Variants in METTL16 observed in about 807,000 individuals in gnomAD.
METTL16 encodes the protein RNA N(6)-adenosine-methyltransferase METTL16.
A neutral mutation model predicts 57.9 loss-of-function variants in METTL16; 19 were observed. That is an observed-to-expected ratio of 0.33 (90% CI 0.23 to 0.48). The LOEUF (loss-of-function observed/expected upper bound fraction) is 0.48. Among genes scored for constraint, METTL16 ranks in the 20% least tolerant of loss-of-function variants. The pLI, the probability that METTL16 is intolerant of heterozygous loss-of-function variation, is 0.99. For missense variants in METTL16, 434 were observed against 691.5 expected, an observed-to-expected ratio of 0.63 and a Z score of 4.18; for synonymous variants, 246 against 255.6, an observed-to-expected ratio of 0.96 and a Z score of 0.36.
intron 1 of METTL16, among the ~76,000 whole-genome samples, chr17:2,508,634 T>C (rs112231016): frequency 0.019 from 2,821 of 152,212 alleles, 43 homozygotes; most frequent in African/African-American, 0.038. Context: ...ATCATGTCTT[T>C]CTTGGGTTGC....
chr17:2,506,120 G>A (rs1347593151), intron 1 of METTL16, among the ~76,000 whole-genome samples: 2 of 151,890 alleles, frequency 1.3e-5, no homozygotes, highest in African/African-American at 4.8e-5. Context: ...TATCTGTAAC[G>A]TTTTTTCCTC....
At chr17:2,471,530 C>T (rs2067235214) in intron 4 of METTL16, among the ~76,000 whole-genome samples, 1 of 152,146 alleles carries the variant, frequency 6.6e-6, no homozygotes, top group Admixed American at 6.5e-5. Context: ...TGGCTCACGC[C>T]TGTAATCCCA....
At chr17:2,470,184 G>A (rs565929419) in intron 4 of METTL16, among the ~76,000 whole-genome samples, 1 of 152,204 alleles carries the variant, frequency 6.6e-6, no homozygotes, top group South Asian at 2.1e-4. Flanking sequence ...TCTAACACAC[G>A]TGTTTTCTCT....
chr17:2,497,068 C>T (rs1324129958), intron 2 of METTL16, among the ~76,000 whole-genome samples: 1 of 151,570 alleles, frequency 6.6e-6, no homozygotes, highest in African/African-American at 2.4e-5. Context: ...TGCAGTGGCA[C>T]AATCTCGGCT....
intron 8 of METTL16, chr17:2,436,687 T>A (rs1256326045): frequency 6.6e-6 from 1 of 152,244 alleles, no homozygotes; most frequent in African/African-American, 2.4e-5. Context: ...CTGGGCAGTG[T>A]GTGCAGACAC....
intron 4 of METTL16, among the ~76,000 whole-genome samples, chr17:2,471,978 G>A (rs147050791): frequency 1.2e-4 from 18 of 152,070 alleles, no homozygotes; most frequent in Non-Finnish European, 2.6e-4. Flanking sequence ...GCTGGGCGTG[G>A]TGGCAGGCGC....
intron 5 of METTL16, among the ~76,000 whole-genome samples, chr17:2,465,882 C>CA (rs369274896): frequency 5.2e-4 from 74 of 141,232 alleles, no homozygotes; most frequent in African/African-American, 1.5e-3. Flanking sequence ...CCCCCGACCT[C>CA]AAAAAAAAAA....
intron 8 of METTL16, among the ~76,000 whole-genome samples, chr17:2,425,250 A>C (rs1010927878): frequency 6.6e-6 from 1 of 152,228 alleles, no homozygotes; most frequent in African/African-American, 2.4e-5. Context: ...TAATATCCTT[A>C]TAATTGCAAA....
At chr17:2,441,316 G>A (rs1442332799) in intron 7 of METTL16, among the ~76,000 whole-genome samples, 174 bp downstream of exon 7, 2 of 152,162 alleles carry the variant, frequency 1.3e-5, no homozygotes, top group Admixed American at 6.5e-5. Flanking sequence ...ACCGGGTGAC[G>A]GGAGGTTGCT....
At chr17:2,501,425 T>C (rs574048602) in intron 2 of METTL16, among the ~76,000 whole-genome samples, 59 of 152,240 alleles carry the variant, frequency 3.9e-4, no homozygotes, top group Non-Finnish European at 7.1e-4. Context: ...CAAGATCCTA[T>C]CTCTAAAAAC....
chr17:2,491,630 C>T (rs948204775), intron 2 of METTL16, among the ~76,000 whole-genome samples: 4 of 152,060 alleles, frequency 2.6e-5, no homozygotes, highest in African/African-American at 4.8e-5. Context: ...AATGTCAGCA[C>T]GTTGGGAGGC....
intron 6 of METTL16, among the ~76,000 whole-genome samples, chr17:2,449,834 A>G (rs2067055289): frequency 6.6e-6 from 1 of 152,262 alleles, no homozygotes; most frequent in South Asian, 2.1e-4. Context: ...CCAATCAGTA[A>G]GATTAATAAA....
Position 2,471,420 on chromosome 17 carries a change from C to G in METTL16, c.469+2104G>C, listed in dbSNP as rs1033814200. Among the ~76,000 whole-genome samples the G allele has an allele frequency of 1.8e-4, 28 of 152,260 alleles. 1 individual carries two copies. The highest frequency in any genetic ancestry group is 1.7e-3 in the Admixed American group (26 of 15,294). On this transcript the variant is annotated intron_variant, in intron 4 of 9. Coordinates refer to ENST00000263092, the MANE Select transcript of METTL16 (RefSeq NM_024086.4). ...CTCCTGACCGGAAGGATCTACCCAC[C>G]TCAGCCTCCCAGCATGCTGAGATTA...
At position 2,479,237 on chromosome 17, in the gene METTL16, G is replaced by A. The variant is rs567208878; in HGVS notation, c.129-1352C>T. ...GACTGGAATGCACGGTGTGATCATG[G>A]CTCACTGCAGCCTCACCCTCCCAGG... is the stretch of plus-strand genomic sequence containing the variant. On this transcript the variant is annotated intron_variant, in intron 2 of 9. Transcript: ENST00000263092. 2.4e-3 allele frequency among the ~76,000 whole-genome samples: 358 copies of A among 151,808 alleles called. 1 individual carries two copies. The highest frequency in any genetic ancestry group is 4.0e-3 in the Non-Finnish European group (274 of 67,976).
rs770570468 is a variant in METTL16 at position 2,420,458 on chromosome 17, C to A, written c.1201G>T (p.Asp401Tyr). 2 of 1,614,140 alleles carry A rather than the reference C, an allele frequency of 1.2e-6. No individual in the cohort carries two copies. Among genetic ancestry groups the A allele is most frequent in the South Asian group, 2.2e-5 (2 of 91,088 alleles). Residue 401 changes from aspartate to tyrosine, a missense_variant, in exon 10 of 10, where the codon GAC becomes TAC. This residue lies in a region of METTL16 where 168 missense variants were observed against 149.6 expected (regional missense o/e 1.12). Transcript: ENST00000263092. This position sits in a 1 kb window ranked among gnomAD's most constrained non-coding sequence, Gnocchi z 5.4. ...QLREVPRAPE[D>Y]VIQALEEKKP... is the part of the protein sequence containing the mutation. ...TTCTCTTCCAAGGCCTGAATGACGT[C>A]CTCAGGAGCTCGGGGAACTTCTCTC...
At chr17:2,473,231 G>C (rs764753975) in intron 4 of METTL16, among the ~76,000 whole-genome samples, 1 of 151,968 alleles carries the variant, frequency 6.6e-6, no homozygotes, top group East Asian at 1.9e-4. Flanking sequence ...GGGTTATAGC[G>C]AATAAAGAAA....
At chr17:2,441,423 A>G in intron 7 of METTL16, 67 bp downstream of exon 7, 1 of 1,180,536 alleles carries the variant, frequency 8.5e-7, no homozygotes, top group Non-Finnish European at 1.2e-6. Context: ...ATGTAGCAAA[A>G]CTGTACTTGT....
At chr17:2,502,033 C>A (rs546765182) in intron 2 of METTL16, among the ~76,000 whole-genome samples, 171 bp downstream of exon 2, 1 of 152,198 alleles carries the variant, frequency 6.6e-6, no homozygotes, top group Non-Finnish European at 1.5e-5. Flanking sequence ...TGGTCCATTC[C>A]TCTAATGTTA....
chr17:2,434,062 A>G (rs1167285167), intron 8 of METTL16, among the ~76,000 whole-genome samples: 2 of 152,226 alleles, frequency 1.3e-5, no homozygotes, highest in African/African-American at 4.8e-5. Context: ...TATCATCACA[A>G]TGAAGACCAC....
Sources: gnomAD v4.1 joint callset for allele counts (sites outside exome capture counted in the v4.1 genomes callset) on GRCh38, gnomAD v4.1.1 for gene constraint, gnomAD v4.1.1 regional missense constraint, Gnocchi (gnomAD v3.1) non-coding constraint, MANE v1.5 for transcripts, NCBI Gene and HGNC (gene_info 2026-07-23, HGNC 2026-07-21) for gene names.